The following TCN2 variants were observed in gnomAD, a reference collection of about 807,000 sequenced individuals.
TCN2 encodes transcobalamin-2.
In TCN2, 34 loss-of-function variants were observed where a neutral mutation model predicts 48.6. The observed-to-expected ratio is 0.70, with a 90% CI of 0.53 to 0.93. The LOEUF is 0.93. Ranked by LOEUF, TCN2 falls within the 40% of genes least tolerant of loss-of-function variation. The probability of loss-of-function intolerance (pLI) is 0.00; values close to 1 mark genes in which losing one functional copy is unlikely to be tolerated. For synonymous variants in TCN2, 283 were observed against 212.5 expected (o/e 1.33, Z -2.89); for missense variants, 652 against 526.1 (o/e 1.24, Z -2.34).
intron 7 of TCN2, among the ~76,000 whole-genome samples, chr22:30,620,718 C>T (rs1388131196): frequency 2.0e-5 from 3 of 152,206 alleles, no homozygotes; most frequent in African/African-American, 7.2e-5. Context: ...GCTCGGGGAT[C>T]TCTGGGAAGA....
rs1187936976 is a variant in TCN2 at position 30,614,388 on chromosome 22, A to C, written c.467A>C (p.Gln156Pro). The change falls in exon 4 of 9, where the codon CAG (glutamine) becomes CCG (proline). Residue 156 changes from glutamine to proline, a missense_variant. Physicochemically the swap from Gln to Pro is moderately conservative, Grantham distance 76. Transcript: ENST00000215838. ...HKGHPHTSYY[Q>P]YGLGILALCL... is the part of the protein sequence containing the mutation. ...GGCCACCCCCACACTAGCTACTACCAGTATGGCCTGGGCATTCTGGCCCTG... is the reference window on the plus strand; with the variant it reads ...GGCCACCCCCACACTAGCTACTACCCGTATGGCCTGGGCATTCTGGCCCTG... The C allele has an allele frequency of 1.2e-6, 2 of 1,614,000 alleles. No individual in the cohort carries two copies. The highest frequency in any genetic ancestry group is 2.7e-5 in the African/African-American group (2 of 74,898).
At chr22:30,613,178 T>C (rs576029979) in intron 3 of TCN2, 136 bp downstream of exon 3, 2 of 1,258,914 alleles carry the variant, frequency 1.6e-6, no homozygotes, top group African/African-American at 1.5e-5. Context: ...TCTCACTGCC[T>C]ACGTAGAGGC....
intron 8 of TCN2, among the ~76,000 whole-genome samples, chr22:30,624,181 TCTC>T (rs1253871951): frequency 6.6e-6 from 1 of 151,156 alleles, no homozygotes; most frequent in Non-Finnish European, 1.5e-5. Flanking sequence ...CTCAAGCAAT[TCTC>T]CTGCCTCAGC....
At chr22:30,610,017 C>G (rs4820020) in intron 1 of TCN2, among the ~76,000 whole-genome samples, 2 of 152,062 alleles carry the variant, frequency 1.3e-5, no homozygotes, top group Non-Finnish European at 2.9e-5. Flanking sequence ...AAACAGGGAC[C>G]GAAAGTGCAA....
Position 30,610,865 on chromosome 22 carries a change from T to A in TCN2, c.65-6T>A, listed in dbSNP as rs1602043415. On this transcript the variant is annotated splice_polypyrimidine_tract_variant and splice_region_variant and intron_variant, in intron 1 of 8. Coordinates refer to ENST00000215838, the MANE Select transcript of TCN2 (RefSeq NM_000355.4). ...TGACCTCATTTGTACCATTTTCTTT[T>A]CTAAGAAATACCAGAGATGGACAGC... 3 of 1,614,046 alleles carry A rather than the reference T, an allele frequency of 1.9e-6. No homozygotes were observed. The highest frequency in any genetic ancestry group is 2.5e-6 in the Non-Finnish European group (3 of 1,180,012).
chr22:30,626,593 A>G lies in TCN2; in HGVS notation c.*72A>G. On this transcript the variant is annotated 3_prime_UTR_variant, in exon 9 of 9. Coordinates refer to ENST00000215838, the MANE Select transcript of TCN2 (RefSeq NM_000355.4). ...CTACCCTCCCTCCTGATGTCCCTGG[A>G]ACAGGAACTCGCCTGACCCTGCTGC... is the stretch of plus-strand genomic sequence containing the variant. 2 of 1,562,322 alleles carry G rather than the reference A, an allele frequency of 1.3e-6. No homozygotes were observed. The highest frequency in any genetic ancestry group is 3.4e-5 in the Admixed American group (2 of 58,722).
At chr22:30,607,684 C>G (rs567128440) in intron 1 of TCN2, among the ~76,000 whole-genome samples, 1 of 152,222 alleles carries the variant, frequency 6.6e-6, no homozygotes, top group South Asian at 2.1e-4. Flanking sequence ...AAGCATGAGA[C>G]AAGTCTAATC....
intron 2 of TCN2, among the ~76,000 whole-genome samples, chr22:30,612,454 G>T (rs947876785): frequency 6.6e-6 from 1 of 152,138 alleles, no homozygotes; most frequent in African/African-American, 2.4e-5. Context: ...GGAGGCCGAG[G>T]CAGAAGAATC....
At chr22:30,621,034 C>T (rs2087689823) in intron 7 of TCN2, among the ~76,000 whole-genome samples, 1 of 152,174 alleles carries the variant, frequency 6.6e-6, no homozygotes, top group Admixed American at 6.5e-5. Flanking sequence ...ATTCAGTCGC[C>T]CAGGCTGGAG....
chr22:30,614,610 C>T, intron 4 of TCN2, 109 bp downstream of exon 4: 8 of 1,490,462 alleles, frequency 5.4e-6, no homozygotes, highest in South Asian at 1.2e-5. Flanking sequence ...CTTGGGGCTC[C>T]TCCGAATCAA....
Position 30,610,864 on chromosome 22 carries a change from T to C in TCN2, c.65-7T>C, listed in dbSNP as rs201199639. On this transcript the variant is annotated splice_polypyrimidine_tract_variant and splice_region_variant and intron_variant, in intron 1 of 8. Transcript: ENST00000215838. ...GTGACCTCATTTGTACCATTTTCTT[T>C]TCTAAGAAATACCAGAGATGGACAG... 9 of 1,614,070 alleles carry C rather than the reference T, an allele frequency of 5.6e-6. No individual in the cohort carries two copies. The highest frequency in any genetic ancestry group is 1.6e-4 in the Middle Eastern group (1 of 6,084).
chr22:30,622,832 A>T (rs1173392527), intron 7 of TCN2, 136 bp from the exon 8 acceptor site: 1 of 845,102 alleles, frequency 1.2e-6, no homozygotes, highest in Non-Finnish European at 2.0e-6. Flanking sequence ...ACCTGTGGCC[A>T]GGTGGCCTGG....
intron 7 of TCN2, 25 bp from the exon 8 acceptor site, chr22:30,622,943 C>G: frequency 6.2e-7 from 1 of 1,611,364 alleles, no homozygotes; most frequent in South Asian, 1.1e-5. Context: ...CCTCTTCTCT[C>G]CCCATTTGCC....
rs757142216 is a variant in TCN2 at position 30,612,863 on chromosome 22, C to T, written c.258-10C>T. The stretch of plus-strand genomic sequence containing the variant: ...GTTTCTCACAAAGGCATTAACTGGC[C>T]TTGTCCTAGGTCTGCCTTCAGCGAG... On this transcript the variant is annotated splice_polypyrimidine_tract_variant and intron_variant, in intron 2 of 8. Transcript: ENST00000215838. 14 of 1,612,960 alleles carry T rather than the reference C, an allele frequency of 8.7e-6. No homozygotes were observed. The highest frequency in any genetic ancestry group is 6.7e-5 in the Admixed American group (4 of 59,990).
In TCN2 at chr22:30,626,683, C is replaced by T. The variant is rs764279003; in HGVS notation, c.*162C>T. On this transcript the variant is annotated 3_prime_UTR_variant, in exon 9 of 9. Transcript: ENST00000215838. ...CCCAGCCACAAGCCCTTCGAGGGCC[C>T]TATACCATGGCCCACCTTGGAGCAG... 5 of 768,896 alleles carry T rather than the reference C, an allele frequency of 6.5e-6. No homozygotes were observed. Among genetic ancestry groups the T allele is most frequent in the East Asian group, 2.7e-5 (1 of 37,142 alleles). 47.6% of individuals were successfully genotyped at this position (768,896 alleles called of 1,614,324 possible).
At chr22:30,619,816 T>A (rs545483083) in intron 7 of TCN2, among the ~76,000 whole-genome samples, 105 of 152,278 alleles carry the variant, frequency 6.9e-4, no homozygotes, top group Middle Eastern at 3.4e-3. Context: ...TTAAGTTATT[T>A]CTTCTATAAT....
intron 7 of TCN2, among the ~76,000 whole-genome samples, chr22:30,620,649 C>G (rs1344724083): frequency 6.6e-6 from 1 of 152,246 alleles, no homozygotes; most frequent in Non-Finnish European, 1.5e-5. Context: ...AGCTGGTATT[C>G]ATGTTTGAAT....
intron 1 of TCN2, among the ~76,000 whole-genome samples, chr22:30,609,983 G>T (rs1202770331): frequency 6.6e-6 from 1 of 152,150 alleles, no homozygotes; most frequent in Non-Finnish European, 1.5e-5. Context: ...GGCAGCTGGA[G>T]CCCAGCAGCA....
At position 30,626,551 on chromosome 22, in the gene TCN2, G is replaced by T; in HGVS notation, c.*30G>T. ...TGAGCTCCCTCATCCCAGCAGCCTCGCACACTCCCTAGGCTTCTACCCTCC... is the reference window on the plus strand; with the variant it reads ...TGAGCTCCCTCATCCCAGCAGCCTCTCACACTCCCTAGGCTTCTACCCTCC... On this transcript the variant is annotated 3_prime_UTR_variant, in exon 9 of 9. Coordinates refer to ENST00000215838, the MANE Select transcript of TCN2 (RefSeq NM_000355.4). 6.2e-7 allele frequency: 1 copy of T among 1,612,528 alleles called. No individual in the cohort carries two copies. The highest frequency in any genetic ancestry group is 8.5e-7 in the Non-Finnish European group (1 of 1,179,176).
Sources: gnomAD v4.1 joint callset for allele counts (sites outside exome capture counted in the v4.1 genomes callset) on GRCh38, gnomAD v4.1.1 for gene constraint, MANE v1.5 for transcripts, NCBI Gene and HGNC (gene_info 2026-07-23, HGNC 2026-07-21) for gene names.